Variants in XKR7 observed in about 807,000 individuals in gnomAD.
The protein encoded by XKR7 is XK related 7, also known as XK-related protein 7.
A neutral mutation model predicts 42.2 loss-of-function variants in XKR7; 11 were observed. The observed-to-expected ratio is 0.26, with a 90% confidence interval of 0.16 to 0.43. XKR7 has a LOEUF of 0.43. Among genes scored for constraint, XKR7 ranks in the 20% least tolerant of loss-of-function variants. The probability of loss-of-function intolerance (pLI) is 1.00; values close to 1 mark genes in which losing one functional copy is unlikely to be tolerated. For synonymous variants in XKR7, 346 were observed against 366.4 expected (o/e 0.94, Z 0.64); for missense variants, 710 against 802.2 (o/e 0.89, Z 1.39).
At chr20:31,970,369 T>G (rs912820499) in intron 1 of XKR7, 3 of 152,234 alleles carry the variant, frequency 2.0e-5, no homozygotes, top group Non-Finnish European at 4.4e-5. Flanking sequence ...TTCTCTTCTT[T>G]GTTAAGCATA....
At chr20:31,980,799 C>T (rs1241138256) in intron 1 of XKR7, among the ~76,000 whole-genome samples, 1 of 152,138 alleles carries the variant, frequency 6.6e-6, no homozygotes, top group Non-Finnish European at 1.5e-5. Flanking sequence ...TGATGGTTCA[C>T]ACCTGTAATC....
intron 1 of XKR7, among the ~76,000 whole-genome samples, chr20:31,973,034 C>T (rs1018525200): frequency 3.3e-5 from 5 of 152,176 alleles, no homozygotes; most frequent in African/African-American, 7.2e-5. Context: ...ATCTCTCATC[C>T]GTTGTAAACT....
In XKR7 at chr20:31,995,317, C is replaced by T. The variant is rs780161084; in HGVS notation, c.787+47C>T. On this transcript the variant is annotated intron_variant, in intron 2 of 2. Coordinates refer to ENST00000562532, the MANE Select transcript of XKR7 (RefSeq NM_001011718.2). This position sits in a 1 kb window ranked among gnomAD's most constrained non-coding sequence, Gnocchi z 4.1. ...CTGCGCCTGGGACCACCCCACCGGG[C>T]CTTTCTCCCTGCTTCAGGCTCCCTG... 1 of 1,531,240 alleles carries T rather than the reference C, an allele frequency of 6.5e-7. No homozygotes were observed. The highest frequency in any genetic ancestry group is 8.7e-7 in the Non-Finnish European group (1 of 1,145,524). 94.9% of individuals were successfully genotyped at this position (1,531,240 alleles called of 1,614,324 possible).
intron 1 of XKR7, among the ~76,000 whole-genome samples, chr20:31,986,050 C>T (rs1248275530): frequency 6.8e-6 from 1 of 146,608 alleles, no homozygotes; most frequent in African/African-American, 2.5e-5. Context: ...GCAGACCCAG[C>T]ATCCAAGACA....
In XKR7 at chr20:31,998,918, C is replaced by T. The variant is rs1016519854; in HGVS notation, c.*1461C>T. On this transcript the variant is annotated 3_prime_UTR_variant, in exon 3 of 3. Coordinates refer to ENST00000562532, the MANE Select transcript of XKR7 (RefSeq NM_001011718.2). Reference sequence around the variant, plus strand: ...CCAGGGGACTCACCCAGGGCCCCTCCTCCCACCTAGGACAGCCAGTGCTGG... The same window carrying T: ...CCAGGGGACTCACCCAGGGCCCCTCTTCCCACCTAGGACAGCCAGTGCTGG... 6.6e-6 allele frequency: 1 copy of T among 152,356 alleles called. No individual in the cohort carries two copies. Among genetic ancestry groups the T allele is most frequent in the African/African-American group, 2.4e-5 (1 of 41,454 alleles). 9.4% of individuals were successfully genotyped at this position (152,356 alleles called of 1,614,324 possible).
At position 31,998,258 on chromosome 20, in the gene XKR7, A is replaced by AT. The variant is rs1167724995; in HGVS notation, c.*807dup. 6 of 152,120 alleles carry AT rather than the reference A, an allele frequency of 3.9e-5. No homozygotes were observed. The highest frequency in any genetic ancestry group is 1.9e-4 in the East Asian group (1 of 5,182). The allele number at this position is 152,120 out of a possible 1,614,324, so 9.4% of individuals were successfully genotyped here. A position where few individuals can be genotyped will look rare whatever the true frequency, so the allele number is the denominator to read the frequency against. On this transcript the variant is annotated 3_prime_UTR_variant, in exon 3 of 3. Transcript: ENST00000562532. ...CTCAGGTGAAATGTTTGAAGGAGCC[A>AT]TTTTTTGTTCTAGATGTGCACCTGG...
chr20:31,980,069 G>A (rs1313441949), intron 1 of XKR7, among the ~76,000 whole-genome samples: 1 of 151,508 alleles, frequency 6.6e-6, no homozygotes, highest in Non-Finnish European at 1.5e-5. Flanking sequence ...GGATGGGAGA[G>A]GGTCTCAGCT....
At chr20:31,994,964 G>C in intron 1 of XKR7, 104 bp from the exon 2 acceptor site, 1 of 1,498,934 alleles carries the variant, frequency 6.7e-7, no homozygotes, top group Non-Finnish European at 8.8e-7. Flanking sequence ...CAGGCTCAGC[G>C]TAGGGAGTGA....
Position 31,968,886 on chromosome 20 carries a change from C to T in XKR7, c.584+127C>T, listed in dbSNP as rs1373134554. 7.3e-7 allele frequency: 1 copy of T among 1,367,830 alleles called. No individual in the cohort carries two copies. Among genetic ancestry groups the T allele is most frequent in the Middle Eastern group, 2.7e-4 (1 of 3,736 alleles). The allele number at this position is 1,367,830 out of a possible 1,614,324, so 84.7% of individuals were successfully genotyped here. On this transcript the variant is annotated intron_variant, in intron 1 of 2. Coordinates refer to ENST00000562532, the MANE Select transcript of XKR7 (RefSeq NM_001011718.2). This position sits in a 1 kb window ranked among gnomAD's most constrained non-coding sequence, Gnocchi z 4.5. ...TGTCCTGACCTCCCCCCCTCCCCACCCCATTGCAGCTCTAATTTCTTCTCA... is the reference window on the plus strand; with the variant it reads ...TGTCCTGACCTCCCCCCCTCCCCACTCCATTGCAGCTCTAATTTCTTCTCA...
rs554298052 is a variant in XKR7 at position 31,974,987 on chromosome 20, C to T, written c.584+6228C>T. 3.3e-5 allele frequency among the ~76,000 whole-genome samples: 5 copies of T among 152,196 alleles called. No homozygotes were observed. In the South Asian group the frequency reaches 6.2e-4, roughly 19 times the overall value. On this transcript the variant is annotated intron_variant, in intron 1 of 2. Coordinates refer to ENST00000562532, the MANE Select transcript of XKR7 (RefSeq NM_001011718.2). ...GAGCTGCTCCTAACAGACACAGCGG[C>T]GGCGGTTGGGCCCAGCGTCCCCTGT...
In XKR7 at chr20:31,997,510, G is replaced by A. The variant is rs947202834; in HGVS notation, c.*53G>A. The A allele has an allele frequency of 4.4e-5, 65 of 1,485,666 alleles. No individual in the cohort carries two copies. Among genetic ancestry groups the A allele is most frequent in the Admixed American group, 9.7e-5 (5 of 51,442 alleles). 92.0% of individuals were successfully genotyped at this position (1,485,666 alleles called of 1,614,324 possible). ...AGGCTTGGCTGATCCCACATCCGCCGCAGTGTTGTGCCCCGAATTTCAGGG... is the reference window on the plus strand; with the variant it reads ...AGGCTTGGCTGATCCCACATCCGCCACAGTGTTGTGCCCCGAATTTCAGGG... On this transcript the variant is annotated 3_prime_UTR_variant, in exon 3 of 3. Coordinates refer to ENST00000562532, the MANE Select transcript of XKR7 (RefSeq NM_001011718.2).
At chr20:31,983,947 C>CAATAAATA (rs59966453) in intron 1 of XKR7, among the ~76,000 whole-genome samples, 16 of 145,426 alleles carry the variant, frequency 1.1e-4, no homozygotes, top group South Asian at 2.2e-4. Flanking sequence ...GACTCTGTCT[C>CAATAAATA]AATAAATAAA....
chr20:31,985,672 C>T (rs1218788469), intron 1 of XKR7, among the ~76,000 whole-genome samples: 2 of 138,532 alleles, frequency 1.4e-5, no homozygotes, highest in Admixed American at 7.3e-5. Context: ...ACAGACAGAC[C>T]ACCAAGTGGA....
At chr20:31,991,604 T>C (rs1215707623) in intron 1 of XKR7, among the ~76,000 whole-genome samples, 1 of 152,202 alleles carries the variant, frequency 6.6e-6, no homozygotes, top group Non-Finnish European at 1.5e-5. Context: ...AGATAGAGAA[T>C]AAAATCTGAA....
intron 1 of XKR7, among the ~76,000 whole-genome samples, chr20:31,976,274 T>C (rs1213370520): frequency 1.3e-5 from 2 of 152,234 alleles, no homozygotes; most frequent in African/African-American, 4.8e-5. Flanking sequence ...CAAACCCACA[T>C]GTGGAACCAC....
rs371434198 is a variant in XKR7, at chr20:31,997,476, A to C, written c.*19A>C. The C allele has an allele frequency of 8.0e-4, 1,255 of 1,570,848 alleles. 1 individual carries two copies. The highest frequency in any genetic ancestry group is 1.0e-3 in the Non-Finnish European group (1,193 of 1,162,688). On this transcript the variant is annotated 3_prime_UTR_variant, in exon 3 of 3. Transcript: ENST00000562532. ...AGTGTAGGCTACAGTGTCCCAGCAC[A>C]AAAGGGACAGGCTTGGCTGATCCCA... is the stretch of plus-strand genomic sequence containing the variant.
Position 31,996,838 on chromosome 20 carries a change from A to C in XKR7, c.1121A>C (p.Asn374Thr). Reference protein sequence around the residue: ...VGIIYIFCWFNVKEGRSRRRM... With the variant: ...VGIIYIFCWFTVKEGRSRRRM... ...ATCATCTACATCTTCTGCTGGTTCA[A>C]CGTCAAGGAGGGCCGCAGCCGCCGC... is the stretch of plus-strand genomic sequence containing the variant. The change falls in exon 3 of 3, where the codon AAC (asparagine) becomes ACC (threonine). Residue 374 changes from asparagine to threonine, a missense_variant. Coordinates refer to ENST00000562532, the MANE Select transcript of XKR7 (RefSeq NM_001011718.2). 6.2e-7 allele frequency: 1 copy of C among 1,613,642 alleles called. No individual in the cohort carries two copies. The highest frequency in any genetic ancestry group is 8.5e-7 in the Non-Finnish European group (1 of 1,179,956).
chr20:31,986,097 GAC>G (rs1426764048), intron 1 of XKR7, among the ~76,000 whole-genome samples: 2 of 138,424 alleles, frequency 1.4e-5, no homozygotes, highest in Non-Finnish European at 3.1e-5. Flanking sequence ...AAGCATCCAA[GAC>G]ACAGACAGAC....
rs2064610481 is a variant in XKR7 at position 31,998,989 on chromosome 20, TGAG to T, written c.*1536_*1538del. ...AGGGGAAGTAGGCAGTTCCATGGGGTGAGGAGACAGAGCCTCTAGCAGAGCTGG... is the reference window on the plus strand; with the variant it reads ...AGGGGAAGTAGGCAGTTCCATGGGGTGAGACAGAGCCTCTAGCAGAGCTGG... On this transcript the variant is annotated 3_prime_UTR_variant, in exon 3 of 3. Transcript: ENST00000562532. 1 of 151,666 alleles carries T rather than the reference TGAG, an allele frequency of 6.6e-6. No homozygotes were observed. Among genetic ancestry groups the T allele is most frequent in the Non-Finnish European group, 1.5e-5 (1 of 68,176 alleles). The allele number at this position is 151,666 out of a possible 1,614,324, so 9.4% of individuals were successfully genotyped here. A position where few individuals can be genotyped will look rare whatever the true frequency, so the allele number is the denominator to read the frequency against.
Sources: gnomAD v4.1 joint callset for allele counts (sites outside exome capture counted in the v4.1 genomes callset) on GRCh38, gnomAD v4.1.1 for gene constraint, Gnocchi (gnomAD v3.1) non-coding constraint, MANE v1.5 for transcripts, NCBI Gene and HGNC (gene_info 2026-07-23, HGNC 2026-07-21) for gene names.